Variants in ZNF475 observed in about 807,000 individuals in gnomAD.
ZNF475 encodes zinc finger protein 475.
chr5:122,176,950 A>C, the ZNF475 span, among the ~76,000 whole-genome samples: 1 of 152,198 alleles, frequency 6.6e-6, no homozygotes, highest in African/African-American at 2.4e-5. Context: ...ATTGCATCTT[A>C]TCCTTAACTC....
At chr5:122,171,653 A>G in the ZNF475 span, among the ~76,000 whole-genome samples, 2 of 152,196 alleles carry the variant, frequency 1.3e-5, no homozygotes, top group Non-Finnish European at 2.9e-5. Flanking sequence ...GTTTCACATG[A>G]AAAGTGAGGA....
chr5:122,180,339 T>C, the ZNF475 span, among the ~76,000 whole-genome samples: 5 of 152,318 alleles, frequency 3.3e-5, no homozygotes, highest in East Asian at 7.7e-4. Flanking sequence ...TTTAGTCCAA[T>C]GTACTCATAT....
the ZNF475 span, among the ~76,000 whole-genome samples, chr5:122,161,050 T>C: frequency 6.6e-6 from 1 of 152,224 alleles, no homozygotes; most frequent in Non-Finnish European, 1.5e-5. Flanking sequence ...ATGTGAGGCA[T>C]AAGTTCAGCC....
At chr5:122,179,636 A>T in the ZNF475 span, 3 of 1,534,720 alleles carry the variant, frequency 2.0e-6, no homozygotes, top group Non-Finnish European at 2.6e-6. Flanking sequence ...TTCATGAGCC[A>T]CAATGTCTGA....
chr5:122,160,273 C>G, the ZNF475 span: 1 of 1,289,738 alleles, frequency 7.8e-7, no homozygotes. Context: ...GTAACAGGAC[C>G]AGTTCTCTTC....
chr5:122,162,125 T>C, the ZNF475 span: 5 of 152,228 alleles, frequency 3.3e-5, no homozygotes, highest in Non-Finnish European at 7.3e-5. Flanking sequence ...ATGTCAGGCA[T>C]GCATTGGAAA....
the ZNF475 span, among the ~76,000 whole-genome samples, chr5:122,165,112 A>C: frequency 6.6e-6 from 1 of 152,230 alleles, no homozygotes; most frequent in South Asian, 2.1e-4. Flanking sequence ...CTGAGCAACA[A>C]CATCTGGGCT....
the ZNF475 span, chr5:122,179,926 GAC>G: frequency 2.2e-6 from 1 of 448,254 alleles, no homozygotes; most frequent in Non-Finnish European, 3.9e-6. Context: ...GAGACATAAA[GAC>G]ACTATGTCCT....
the ZNF475 span, among the ~76,000 whole-genome samples, chr5:122,161,644 T>C: frequency 1.3e-5 from 2 of 151,932 alleles, no homozygotes; most frequent in African/African-American, 2.4e-5. Flanking sequence ...TCAGAGAGCA[T>C]TTTTTTTCAT....
chr5:122,167,104 G>A, the ZNF475 span, among the ~76,000 whole-genome samples: 3 of 151,896 alleles, frequency 2.0e-5, no homozygotes. Context: ...TTTGTATAAG[G>A]TGTAAGGAAG....
chr5:122,164,232 T>A, the ZNF475 span, among the ~76,000 whole-genome samples: 1 of 152,192 alleles, frequency 6.6e-6, no homozygotes, highest in Non-Finnish European at 1.5e-5. Flanking sequence ...GCTCAAATGC[T>A]TTCAGGGGCA....
At chr5:122,160,454 T>A in the ZNF475 span, among the ~76,000 whole-genome samples, 1 of 152,240 alleles carries the variant, frequency 6.6e-6, no homozygotes, top group Non-Finnish European at 1.5e-5. Context: ...AATACTCACC[T>A]GTACAAATCA....
At chr5:122,167,367 A>T in the ZNF475 span, among the ~76,000 whole-genome samples, 1 of 152,190 alleles carries the variant, frequency 6.6e-6, no homozygotes, top group South Asian at 2.1e-4. Context: ...TCTTGATAAA[A>T]TATTTTCTAA....
the ZNF475 span, among the ~76,000 whole-genome samples, chr5:122,182,079 T>C: frequency 1.3e-5 from 2 of 152,320 alleles, no homozygotes; most frequent in South Asian, 4.1e-4. Context: ...ACATGCTCAT[T>C]CCCCTTTGTA....
the ZNF475 span, among the ~76,000 whole-genome samples, chr5:122,161,816 A>C: frequency 1.3e-5 from 2 of 152,214 alleles, no homozygotes; most frequent in African/African-American, 4.8e-5. Flanking sequence ...CACAAGAACC[A>C]AACACCAAGA....
chr5:122,172,885 T>C, the ZNF475 span, among the ~76,000 whole-genome samples: 1 of 151,764 alleles, frequency 6.6e-6, no homozygotes, highest in Non-Finnish European at 1.5e-5. Context: ...TACAAAAAAT[T>C]AGCTGGGCAT....
chr5:122,169,375 A>G, the ZNF475 span, among the ~76,000 whole-genome samples: 3 of 152,128 alleles, frequency 2.0e-5, no homozygotes, highest in Middle Eastern at 3.2e-3. Context: ...TTAATAGTTT[A>G]TATGTTTGCC....
the ZNF475 span, among the ~76,000 whole-genome samples, chr5:122,161,513 G>A: frequency 6.6e-6 from 1 of 152,316 alleles, no homozygotes; most frequent in Non-Finnish European, 1.5e-5. Context: ...TATCCAAGGT[G>A]GTGGTCTTCT....
chr5:122,160,243 C>G, the ZNF475 span: 1 of 1,289,746 alleles, frequency 7.8e-7, no homozygotes, highest in Admixed American at 2.3e-5. Flanking sequence ...GCTCTCACAT[C>G]GACAGACCAC....
Sources: allele counts gnomAD v4.1 joint callset (sites outside exome capture counted in the v4.1 genomes callset), GRCh38; gene constraint gnomAD v4.1.1; transcripts MANE v1.5; gene names NCBI Gene and HGNC (gene_info 2026-07-23, HGNC 2026-07-21).